Variants in FRMD4A observed in about 807,000 individuals in gnomAD.
The protein encoded by FRMD4A is FERM domain containing 4A.
In FRMD4A, 29 loss-of-function variants were observed where a neutral mutation model predicts 129.1. The observed-to-expected ratio is 0.22, with a 90% CI of 0.17 to 0.31. The LOEUF (loss-of-function observed/expected upper bound fraction) is 0.31, where lower values mean the gene tolerates loss of function less well. FRMD4A is among the 10% of genes least tolerant of loss of function. FRMD4A has a pLI of 1.00. For missense variants in FRMD4A, 1,272 were observed against 1,375.8 expected (o/e 0.92, Z 1.19); for synonymous variants, 634 against 571.6 (o/e 1.11, Z -1.56).
At chr10:13,858,712 C>A in intron 3 of FRMD4A, 135 bp downstream of exon 3, 1 of 710,702 alleles carries the variant, frequency 1.4e-6, no homozygotes, top group South Asian at 1.6e-5. Context: ...CTGGTGGGTC[C>A]TAGTCATTCT....
At chr10:14,178,184 A>T (rs1841796582) in intron 2 of FRMD4A, among the ~76,000 whole-genome samples, 1 of 152,264 alleles carries the variant, frequency 6.6e-6, no homozygotes, top group African/African-American at 2.4e-5. Flanking sequence ...GTGTTACTTC[A>T]TTAAAAATAA....
At chr10:13,764,330 C>A (rs1406982121) in intron 6 of FRMD4A, among the ~76,000 whole-genome samples, 1 of 151,726 alleles carries the variant, frequency 6.6e-6, no homozygotes, top group African/African-American at 2.4e-5. Context: ...CGTGGCGAAA[C>A]CCCATCTCTA....
chr10:13,798,762 A>T (rs938192191), intron 4 of FRMD4A, among the ~76,000 whole-genome samples: 3 of 152,204 alleles, frequency 2.0e-5, no homozygotes, highest in African/African-American at 4.8e-5. Flanking sequence ...GTAAAATAAC[A>T]GGAGCAACTT....
chr10:13,983,358 T>C (rs1435451478), intron 2 of FRMD4A, among the ~76,000 whole-genome samples: 2 of 152,010 alleles, frequency 1.3e-5, no homozygotes, highest in Non-Finnish European at 2.9e-5. Flanking sequence ...AAATGACCGA[T>C]GCAAAGAAGA....
chr10:13,943,518 C>T (rs1331214820), intron 2 of FRMD4A, among the ~76,000 whole-genome samples: 4 of 150,978 alleles, frequency 2.6e-5, no homozygotes, highest in East Asian at 1.9e-4. Context: ...CGTGGTGGCA[C>T]GTGCCTGTAG....
chr10:14,081,423 T>C (rs1389463634), intron 2 of FRMD4A, among the ~76,000 whole-genome samples: 1 of 152,146 alleles, frequency 6.6e-6, no homozygotes, highest in Non-Finnish European at 1.5e-5. Flanking sequence ...ACAAACCCAC[T>C]GCCCACTGAG....
chr10:13,848,318 T>C (rs1253855227), intron 3 of FRMD4A, among the ~76,000 whole-genome samples: 1 of 152,182 alleles, frequency 6.6e-6, no homozygotes, highest in African/African-American at 2.4e-5. Flanking sequence ...TTTTTCTCTC[T>C]CCCTTTACGT....
At chr10:14,123,052 T>C (rs983299872) in intron 2 of FRMD4A, among the ~76,000 whole-genome samples, 18 of 152,196 alleles carry the variant, frequency 1.2e-4, no homozygotes, top group African/African-American at 3.4e-4. Flanking sequence ...AACTTCATTA[T>C]ACTATTCTAT....
intron 2 of FRMD4A, among the ~76,000 whole-genome samples, chr10:14,086,932 C>G (rs1442351787): frequency 1.3e-5 from 2 of 152,108 alleles, no homozygotes; most frequent in African/African-American, 2.4e-5. Context: ...GTTCTCCCCA[C>G]ATCTGGAATT....
intron 3 of FRMD4A, among the ~76,000 whole-genome samples, chr10:13,840,962 G>C (rs2093955177): frequency 6.6e-6 from 1 of 152,004 alleles, no homozygotes; most frequent in Admixed American, 6.6e-5. Flanking sequence ...AAAAGAATTA[G>C]ACAGGCATGG....
chr10:14,100,940 G>T (rs1383369269), intron 2 of FRMD4A, among the ~76,000 whole-genome samples: 1 of 152,104 alleles, frequency 6.6e-6, no homozygotes, highest in Non-Finnish European at 1.5e-5. Context: ...GCATCTCAGA[G>T]CCCAAGCTTT....
At chr10:13,754,035 CA>C (rs2091750734) in intron 8 of FRMD4A, among the ~76,000 whole-genome samples, 2 of 152,088 alleles carry the variant, frequency 1.3e-5, no homozygotes, top group African/African-American at 2.4e-5. Context: ...ATAATTTTCT[CA>C]AAAAGCCCAA....
chr10:14,092,084 T>C (rs1172228594), intron 2 of FRMD4A, among the ~76,000 whole-genome samples: 6 of 152,200 alleles, frequency 3.9e-5, no homozygotes, highest in Non-Finnish European at 5.9e-5. Context: ...AAGGTCATTT[T>C]CTACCCCGAC....
chr10:13,793,250 T>C (rs10906487), intron 5 of FRMD4A, among the ~76,000 whole-genome samples: 64,555 of 151,404 alleles, frequency 0.43, 14,839 homozygotes, highest in African/African-American at 0.61. Flanking sequence ...CTGCTCACTG[T>C]GATCTCTGCC....
In FRMD4A at chr10:13,679,474, T is replaced by TACACACACACACACACACACACAC. The variant is rs59818032; in HGVS notation, c.1118-4454_1118-4431dup. On this transcript the variant is annotated intron_variant, in intron 15 of 24. Transcript: ENST00000357447. The stretch of plus-strand genomic sequence containing the variant: ...AAAAAAAAAAAAATATATATATATA[T>TACACACACACACACACACACACAC]ACACACACACACACACACACACACA... 6.3e-3 allele frequency among the ~76,000 whole-genome samples: 198 copies of TACACACACACACACACACACACAC among 31,426 alleles called. 4 individuals are homozygous for TACACACACACACACACACACACAC. Among genetic ancestry groups the TACACACACACACACACACACACAC allele is most frequent in the East Asian group, 0.034 (11 of 324 alleles). The allele number at this position is 31,426 out of a possible 152,430, so 20.6% of individuals were successfully genotyped here.
chr10:14,286,793 G>A (rs1407277034), intron 2 of FRMD4A, among the ~76,000 whole-genome samples: 2 of 152,006 alleles, frequency 1.3e-5, no homozygotes, highest in African/African-American at 2.4e-5. Context: ...AAATCCATTT[G>A]GTTTGAAGGC....
intron 2 of FRMD4A, among the ~76,000 whole-genome samples, chr10:14,032,828 G>A (rs574709031): frequency 6.6e-6 from 1 of 152,336 alleles, no homozygotes; most frequent in East Asian, 1.9e-4. Context: ...ATGGGGCTGA[G>A]TGTGTTTGTG....
At chr10:13,727,557 C>G (rs986655389) in intron 12 of FRMD4A, among the ~76,000 whole-genome samples, 2 of 152,202 alleles carry the variant, frequency 1.3e-5, no homozygotes, top group Admixed American at 1.3e-4. Context: ...ATCAGCTTCT[C>G]TCTCTGCCTG....
At chr10:13,919,870 A>T (rs1413325318) in intron 2 of FRMD4A, among the ~76,000 whole-genome samples, 2 of 152,264 alleles carry the variant, frequency 1.3e-5, no homozygotes, top group East Asian at 3.9e-4. Context: ...CCCAAGAGGC[A>T]GAGGTTGCAG....
Sources: allele counts gnomAD v4.1 joint callset (sites outside exome capture counted in the v4.1 genomes callset), GRCh38; gene constraint gnomAD v4.1.1; transcripts MANE v1.5; gene names NCBI Gene and HGNC (gene_info 2026-07-23, HGNC 2026-07-21).